Variants in TLE4 observed in about 807,000 individuals in gnomAD.
The protein encoded by TLE4 is transducin-like enhancer protein 4.
A neutral mutation model predicts 92.8 loss-of-function variants in TLE4; 8 were observed. The observed-to-expected ratio is 0.09, with a 90% CI of 0.05 to 0.16. The LOEUF (loss-of-function observed/expected upper bound fraction) is 0.16, where lower values mean the gene tolerates loss of function less well. TLE4 is among the 10% of genes least tolerant of loss of function. TLE4 has a pLI of 1.00. For synonymous variants in TLE4, 371 were observed against 374.1 expected (o/e 0.99, Z 0.10); for missense variants, 675 against 997.6 (o/e 0.68, Z 4.36).
intron 4 of TLE4, among the ~76,000 whole-genome samples, chr9:79,603,969 G>T (rs1303532821): frequency 6.6e-6 from 1 of 152,096 alleles, no homozygotes. Context: ...TTCCAATTTG[G>T]ATTTTAACAT....
intron 2 of TLE4, 76 bp downstream of exon 2, chr9:79,573,862 C>T (rs2036767721): frequency 2.8e-6 from 3 of 1,083,356 alleles, no homozygotes; most frequent in South Asian, 4.9e-5. Flanking sequence ...CAAACACTTA[C>T]CCTCCTCCTT....
intron 4 of TLE4, among the ~76,000 whole-genome samples, chr9:79,593,047 C>A (rs1380076193): frequency 6.6e-6 from 1 of 152,120 alleles, no homozygotes; most frequent in African/African-American, 2.4e-5. Context: ...TCTGTATTTT[C>A]AACCTTTACC....
rs1394595144 is a variant in TLE4, at chr9:79,639,842, C to A, written c.390+12394C>A. On this transcript the variant is annotated intron_variant, in intron 6 of 19. Transcript: ENST00000376552. ...ACAGTAATAAAATTGCCTAAAGACT[C>A]ATTTCTCAGAATATCCCTATAGTTA... Among the ~76,000 whole-genome samples the A allele has an allele frequency of 2.6e-5, 4 of 152,128 alleles. No homozygotes were observed. In the East Asian group the frequency reaches 7.7e-4, roughly 29 times the overall value.
chr9:79,624,255 T>C (rs549005699), intron 5 of TLE4, among the ~76,000 whole-genome samples: 1 of 152,116 alleles, frequency 6.6e-6, no homozygotes, highest in South Asian at 2.1e-4. Flanking sequence ...TTTTCTCTTT[T>C]GTGTGTAATC....
intron 8 of TLE4, among the ~76,000 whole-genome samples, chr9:79,682,597 G>A (rs755031705): frequency 2.0e-5 from 3 of 152,156 alleles, no homozygotes; most frequent in Non-Finnish European, 4.4e-5. Flanking sequence ...GAATGTTCAG[G>A]CAGGTGTTCC....
intron 8 of TLE4, among the ~76,000 whole-genome samples, chr9:79,703,914 C>A (rs2070715524): frequency 6.6e-6 from 1 of 151,878 alleles, no homozygotes; most frequent in African/African-American, 2.4e-5. Context: ...TGCTCAAATC[C>A]CCCAAAATTA....
At chr9:79,684,460 TGAACTGTGCA>T (rs1311618582) in intron 8 of TLE4, among the ~76,000 whole-genome samples, 1 of 38,996 alleles carries the variant, frequency 2.6e-5, no homozygotes, top group Non-Finnish European at 1.1e-4. Flanking sequence ...TACTCTATTG[TGAACTGTGCA>T]ATGCAGGGAT....
At chr9:79,703,438 AGGCAGTT>A (rs1195923869) in intron 8 of TLE4, among the ~76,000 whole-genome samples, 6 of 152,156 alleles carry the variant, frequency 3.9e-5, no homozygotes, top group African/African-American at 1.4e-4. Context: ...CTTAGTCACT[AGGCAGTT>A]GTTAAGATTG....
intron 8 of TLE4, among the ~76,000 whole-genome samples, chr9:79,658,467 C>G (rs1014249596): frequency 7.2e-5 from 11 of 152,108 alleles, no homozygotes; most frequent in African/African-American, 2.7e-4. Context: ...TCTGCCGCAT[C>G]TGTATTTTGG....
chr9:79,694,296 AT>A (rs1470946097), intron 8 of TLE4, among the ~76,000 whole-genome samples: 1 of 152,154 alleles, frequency 6.6e-6, no homozygotes, highest in African/African-American at 2.4e-5. Context: ...CTGACCTGTG[AT>A]CTTTTGCTGG....
At position 79,572,804 on chromosome 9, in the gene TLE4, T is replaced by C; in HGVS notation, c.14T>C (p.Leu5Pro). The C allele has an allele frequency of 6.2e-7, 1 of 1,600,836 alleles. No individual in the cohort carries two copies. The highest frequency in any genetic ancestry group is 8.5e-7 in the Non-Finnish European group (1 of 1,174,488). The change falls in exon 1 of 20, where the codon CTG becomes CCG. Residue 5 changes from leucine to proline, a missense_variant. Around this residue, in one of 5 missense-constraint regions of TLE4, gnomAD observed 38 missense variants for 33.5 expected, o/e 1.14. Transcript: ENST00000376552. MIRD[L>P]SKMYPQTRHP... is the part of the protein sequence containing the mutation. Reference sequence around the variant, plus strand: ...AAATCGGCTTGGATGATTCGCGACCTGAGCAAGATGTACCCGCAGACCAGA... The same window carrying C: ...AAATCGGCTTGGATGATTCGCGACCCGAGCAAGATGTACCCGCAGACCAGA...
Position 79,726,542 on chromosome 9 carries a change from GAAAA to G in TLE4, c.*1406_*1409del, listed in dbSNP as rs36019086. 117,452 of 151,466 alleles carry G rather than the reference GAAAA, an allele frequency of 0.78. 45,491 individuals are homozygous for G. The highest frequency in any genetic ancestry group is 0.83 in the East Asian group (4,235 of 5,112). 9.4% of individuals were successfully genotyped at this position (151,466 alleles called of 1,614,324 possible). ...CATTGACGTTCCTAATGTGGTAGCA[GAAAA>G]AAAAAAATGGTGTCTTAAGTGCTTA... On this transcript the variant is annotated 3_prime_UTR_variant, in exon 20 of 20. Coordinates refer to ENST00000376552, the MANE Select transcript of TLE4 (RefSeq NM_007005.6).
intron 6 of TLE4, among the ~76,000 whole-genome samples, chr9:79,640,382 T>A (rs2056882336): frequency 6.6e-6 from 1 of 152,178 alleles, no homozygotes; most frequent in African/African-American, 2.4e-5. Flanking sequence ...ACCATGATAT[T>A]ACTAGTTTTC....
chr9:79,688,936 C>T (rs2135476059), intron 8 of TLE4, among the ~76,000 whole-genome samples: 1 of 152,166 alleles, frequency 6.6e-6, no homozygotes, highest in East Asian at 2.0e-4. Flanking sequence ...TATAAGCCAG[C>T]ATAACTGAGA....
chr9:79,582,464 A>G lies in TLE4; in HGVS notation c.252+6287A>G, dbSNP rs182633493. Among the ~76,000 whole-genome samples, 245 of 152,340 alleles carry G rather than the reference A, an allele frequency of 1.6e-3. 1 individual carries two copies. Among genetic ancestry groups the G allele is most frequent in the African/African-American group, 5.6e-3 (231 of 41,578 alleles). On this transcript the variant is annotated intron_variant, in intron 4 of 19. Transcript: ENST00000376552. ...TTGCAGCACTGGTGAAGGAGACAAT[A>G]CAAGCACCAGCCCATTGTTCTTCAC...
Position 79,617,397 on chromosome 9 carries a change from G to C in TLE4, c.315+4679G>C, listed in dbSNP as rs549665015. Among the ~76,000 whole-genome samples, 80 of 152,242 alleles carry C rather than the reference G, an allele frequency of 5.3e-4. 1 individual carries two copies. The highest frequency in any genetic ancestry group is 1.9e-4 in the Non-Finnish European group (13 of 68,016). On this transcript the variant is annotated intron_variant, in intron 5 of 19. Coordinates refer to ENST00000376552, the MANE Select transcript of TLE4 (RefSeq NM_007005.6). ...CCCTATAAGGATCACTTTTAAGATA[G>C]GGTATGTTTCACAGTGATCCACAAG...
At position 79,725,706 on chromosome 9, in the gene TLE4, CTT is replaced by C. The variant is rs1565253162; in HGVS notation, c.*565_*566del. ...TTTTGTTTTCTACATCTTTTAAAGA[CTT>C]TTGGAAATTTGGCTGAACAATTAGA... On this transcript the variant is annotated 3_prime_UTR_variant, in exon 20 of 20. Transcript: ENST00000376552. 3.9e-5 allele frequency: 6 copies of C among 152,822 alleles called. No individual in the cohort carries two copies. The highest frequency in any genetic ancestry group is 3.9e-4 in the East Asian group (2 of 5,188). The allele number at this position is 152,822 out of a possible 1,614,324, so 9.5% of individuals were successfully genotyped here.
intron 18 of TLE4, 34 bp downstream of exon 18, chr9:79,722,635 C>T: frequency 6.2e-7 from 1 of 1,608,700 alleles, no homozygotes; most frequent in Non-Finnish European, 8.5e-7. Context: ...TTTCTGTCAA[C>T]CAGAATTGCT....
At chr9:79,713,216 G>C (rs1384827470) in intron 14 of TLE4, among the ~76,000 whole-genome samples, 1 of 152,228 alleles carries the variant, frequency 6.6e-6, no homozygotes, top group Non-Finnish European at 1.5e-5. Flanking sequence ...TCAGAGAGGA[G>C]AATGAGGGGA....
Sources: allele counts gnomAD v4.1 joint callset (sites outside exome capture counted in the v4.1 genomes callset), GRCh38; gene constraint gnomAD v4.1.1; regional missense constraint gnomAD v4.1.1; transcripts MANE v1.5; gene names NCBI Gene and HGNC (gene_info 2026-07-23, HGNC 2026-07-21).